TBC1D5: variants seen among roughly 807,000 people sequenced by gnomAD.
The protein encoded by TBC1D5 is TBC1 domain family member 5.
Under a neutral mutation model 100.3 loss-of-function variants are expected in TBC1D5, and 75 were observed. The observed-to-expected ratio is 0.75, with a 90% CI of 0.62 to 0.91. The LOEUF (loss-of-function observed/expected upper bound fraction) is 0.91. Among genes scored for constraint, TBC1D5 ranks in the 40% least tolerant of loss-of-function variants. The pLI, the probability that TBC1D5 is intolerant of heterozygous loss-of-function variation, is 0.00. For synonymous variants in TBC1D5, 323 were observed against 325.6 expected (o/e 0.99, Z 0.09); for missense variants, 910 against 942.4 (o/e 0.97, Z 0.45).
exon 1 of TBC1D5, chr3:17,739,562 G>C (rs2077230398): frequency 6.6e-6 from 1 of 152,192 alleles, no homozygotes; most frequent in Non-Finnish European, 1.5e-5. Flanking sequence ...AACTTTCAGA[G>C]GAAGTAGATA....
intron 1 of TBC1D5, among the ~76,000 whole-genome samples, chr3:17,691,857 A>C (rs554930857): frequency 6.6e-6 from 1 of 151,868 alleles, no homozygotes; most frequent in African/African-American, 2.4e-5. Context: ...AAAAAAGAAA[A>C]TGACTTCAAC....
intron 13 of TBC1D5, among the ~76,000 whole-genome samples, chr3:17,361,539 A>G (rs780244849): frequency 3.9e-5 from 6 of 152,112 alleles, no homozygotes; most frequent in Non-Finnish European, 8.8e-5. Context: ...AGGCTTAAAA[A>G]TCATACAAAA....
chr3:17,331,778 C>T (rs1459205591), intron 13 of TBC1D5, among the ~76,000 whole-genome samples: 4 of 152,136 alleles, frequency 2.6e-5, no homozygotes, highest in Non-Finnish European at 4.4e-5. Flanking sequence ...GCCATGGGAA[C>T]ATCTTGGCAT....
chr3:17,455,544 G>GTA (rs1553764184), intron 3 of TBC1D5, among the ~76,000 whole-genome samples: 8,608 of 147,752 alleles, frequency 0.058, 521 homozygotes, highest in African/African-American at 0.15. Context: ...GTGTGTGTGT[G>GTA]TATATATATA....
chr3:17,445,231 A>G (rs1348461904), intron 3 of TBC1D5, among the ~76,000 whole-genome samples: 2 of 152,182 alleles, frequency 1.3e-5, no homozygotes, highest in African/African-American at 4.8e-5. Context: ...TTAAAACAGT[A>G]GTCAATTACA....
chr3:17,366,890 C>T (rs2092168715), intron 13 of TBC1D5, among the ~76,000 whole-genome samples: 1 of 151,990 alleles, frequency 6.6e-6, no homozygotes, highest in Non-Finnish European at 1.5e-5. Context: ...AATTAAATTA[C>T]AATAAACTGC....
At chr3:17,306,441 G>C (rs1365881110) in intron 14 of TBC1D5, among the ~76,000 whole-genome samples, 2 of 152,048 alleles carry the variant, frequency 1.3e-5, no homozygotes, top group African/African-American at 4.8e-5. Context: ...AAAATAAGTT[G>C]GGTTAAATAT....
intron 13 of TBC1D5, among the ~76,000 whole-genome samples, chr3:17,317,607 G>A (rs1301273878): frequency 2.0e-5 from 3 of 152,106 alleles, no homozygotes; most frequent in Admixed American, 6.5e-5. Flanking sequence ...TTATATCTAT[G>A]TGTATATAAT....
intron 1 of TBC1D5, among the ~76,000 whole-genome samples, chr3:17,634,726 A>C (rs988594182): frequency 2.6e-5 from 4 of 152,156 alleles, no homozygotes; most frequent in Admixed American, 6.5e-5. Context: ...AAAACACTTA[A>C]AAGAATAGTT....
At chr3:17,452,557 C>G (rs1018561171) in intron 3 of TBC1D5, among the ~76,000 whole-genome samples, 2 of 151,910 alleles carry the variant, frequency 1.3e-5, no homozygotes, top group South Asian at 4.2e-4. Flanking sequence ...AAATAGATAT[C>G]CAGACAAAGA....
chr3:17,558,665 A>G (rs1576695184), intron 2 of TBC1D5, among the ~76,000 whole-genome samples: 1 of 152,212 alleles, frequency 6.6e-6, no homozygotes, highest in South Asian at 2.1e-4. Context: ...TATTGGCAAC[A>G]TTATTCTGAA....
rs565933150 is a variant in TBC1D5 at position 17,261,019 on chromosome 3, G to C, written c.1246-2428C>G. 1.1e-4 allele frequency among the ~76,000 whole-genome samples: 16 copies of C among 152,302 alleles called. No individual in the cohort carries two copies. In the South Asian group the frequency reaches 3.3e-3, roughly 32 times the overall value. On this transcript the variant is annotated intron_variant, in intron 15 of 21. Transcript: ENST00000253692. ...CAGCCACATGTGGCAAGTGGCTACT[G>C]TACTGGACAGCATAAAATGAAACAT...
intron 2 of TBC1D5, among the ~76,000 whole-genome samples, chr3:17,514,746 T>C (rs941104488): frequency 6.6e-6 from 1 of 152,120 alleles, no homozygotes; most frequent in African/African-American, 2.4e-5. Context: ...AAGAGAAAAC[T>C]GAGCACTATA....
intron 2 of TBC1D5, among the ~76,000 whole-genome samples, chr3:17,617,023 A>C (rs189172862): frequency 6.6e-6 from 1 of 152,114 alleles, no homozygotes; most frequent in African/African-American, 2.4e-5. Flanking sequence ...GCAGTTGCTC[A>C]TATCGTTGTT....
At chr3:17,297,181 T>A (rs2082334159) in intron 14 of TBC1D5, among the ~76,000 whole-genome samples, 1 of 152,240 alleles carries the variant, frequency 6.6e-6, no homozygotes, top group African/African-American at 2.4e-5. Context: ...GTTTGTACTA[T>A]GAACTTTGAA....
rs573173444 is a variant in TBC1D5 at position 17,599,421 on chromosome 3, C to T, written c.-36+24428G>A. Among the ~76,000 whole-genome samples the T allele has an allele frequency of 5.3e-5, 8 of 152,188 alleles. No individual in the cohort carries two copies. The South Asian group carries it at 1.0e-3, about 20-fold the overall frequency. On this transcript the variant is annotated intron_variant, in intron 2 of 21. Coordinates refer to ENST00000253692, the Ensembl canonical transcript of TBC1D5. ...GGGATGATCAGAGTTTGGCTGGGGG[C>T]GGTTGAACTCCACGGGAAGATTATC...
rs141021416 is a variant in TBC1D5, at chr3:17,669,169, T to G, written c.-100-45256A>C. On this transcript the variant is annotated intron_variant, in intron 1 of 21. Transcript: ENST00000253692. The stretch of plus-strand genomic sequence containing the variant: ...GGTCTGATTATTTTTAAAAGGTAGT[T>G]TCCCCCTTTTGCTCAGCACTTCTCC... Among the ~76,000 whole-genome samples, 8 of 152,202 alleles carry G rather than the reference T, an allele frequency of 5.3e-5. No homozygotes were observed. The East Asian group carries it at 1.5e-3, about 29-fold the overall frequency.
chr3:17,398,051 A>G (rs2093554592), intron 8 of TBC1D5, among the ~76,000 whole-genome samples: 1 of 152,176 alleles, frequency 6.6e-6, no homozygotes, highest in Non-Finnish European at 1.5e-5. Context: ...GGCATCTAAT[A>G]TGGAAATGAT....
At chr3:17,734,773 C>T (rs1465610875) in intron 1 of TBC1D5, among the ~76,000 whole-genome samples, 2 of 152,124 alleles carry the variant, frequency 1.3e-5, no homozygotes, top group Non-Finnish European at 2.9e-5. Flanking sequence ...GGCAATTTGG[C>T]CATGTATAAC....
Sources: gnomAD v4.1 joint callset for allele counts (sites outside exome capture counted in the v4.1 genomes callset) on GRCh38, gnomAD v4.1.1 for gene constraint, MANE v1.5 for transcripts, NCBI Gene and HGNC (gene_info 2026-07-23, HGNC 2026-07-21) for gene names.